IQGAP2: variants seen among roughly 807,000 people sequenced by gnomAD.
The protein encoded by IQGAP2 is IQ motif containing GTPase activating protein 2.
In IQGAP2, 173 loss-of-function variants were observed where a neutral mutation model predicts 201.3. The observed-to-expected ratio is 0.86, with a 90% CI of 0.76 to 0.98. The LOEUF (loss-of-function observed/expected upper bound fraction) is 0.98, where lower values mean the gene tolerates loss of function less well. Among genes scored for constraint, IQGAP2 ranks in the 50% least tolerant of loss-of-function variants. The pLI is 0.00. For synonymous variants in IQGAP2, 675 were observed against 673.9 expected (o/e 1.00, Z -0.03); for missense variants, 1,687 against 1,864.8 (o/e 0.90, Z 1.76).
At chr5:76,435,190 C>A (rs1752588599) in intron 1 of IQGAP2, among the ~76,000 whole-genome samples, 1 of 151,938 alleles carries the variant, frequency 6.6e-6, no homozygotes, top group Admixed American at 6.6e-5. Flanking sequence ...TTTTGCTGTG[C>A]AGAAGCTTTT....
chr5:76,421,200 A>G lies in IQGAP2; in HGVS notation c.46+17609A>G, dbSNP rs556218873. Reference sequence around the variant, plus strand: ...CACTTCAAAGAATGAAGTATCCATGACTTGAAGGAAGAAGCCAATTAGAAT... The same window carrying G: ...CACTTCAAAGAATGAAGTATCCATGGCTTGAAGGAAGAAGCCAATTAGAAT... On this transcript the variant is annotated intron_variant, in intron 1 of 35. Coordinates refer to ENST00000274364, the MANE Select transcript of IQGAP2 (RefSeq NM_006633.5). Among the ~76,000 whole-genome samples the G allele has an allele frequency of 3.3e-5, 5 of 152,314 alleles. No homozygotes were observed. The East Asian group carries it at 9.6e-4, about 29-fold the overall frequency.
At chr5:76,488,905 C>T (rs772607362) in intron 2 of IQGAP2, among the ~76,000 whole-genome samples, 1 of 152,166 alleles carries the variant, frequency 6.6e-6, no homozygotes, top group Non-Finnish European at 1.5e-5. Context: ...AAGCACCCGG[C>T]TGAGTTGTCC....
intron 2 of IQGAP2, among the ~76,000 whole-genome samples, chr5:76,546,446 AC>A (rs1743100436): frequency 1.3e-5 from 2 of 151,904 alleles, no homozygotes; most frequent in Admixed American, 1.3e-4. Context: ...AAAAAACAAA[AC>A]AATACACCAC....
chr5:76,455,062 G>A (rs576833040), intron 1 of IQGAP2, among the ~76,000 whole-genome samples: 2 of 152,168 alleles, frequency 1.3e-5, no homozygotes, highest in Non-Finnish European at 2.9e-5. Context: ...TTTACACAGC[G>A]GACCAAATGA....
At position 76,432,128 on chromosome 5, in the gene IQGAP2, C is replaced by CTTTTTTTTTTTTTTTT. The variant is rs70982606; in HGVS notation, c.46+28552_46+28553insTTTTTTTTTTTTTTTT. On this transcript the variant is annotated intron_variant, in intron 1 of 35. Coordinates refer to ENST00000274364, the MANE Select transcript of IQGAP2 (RefSeq NM_006633.5). ...TGGAATTGACTGATCTTTCTTTCTT[C>CTTTTTTTTTTTTTTTT]TTTTTTTTTTTTTTTGAGATGGAGT... Among the ~76,000 whole-genome samples, 93 of 95,310 alleles carry CTTTTTTTTTTTTTTTT rather than the reference C, an allele frequency of 9.8e-4. 4 individuals carry two copies. Among genetic ancestry groups the CTTTTTTTTTTTTTTTT allele is most frequent in the Middle Eastern group, 0.011 (1 of 92 alleles). The allele number at this position is 95,310 out of a possible 152,430, so 62.5% of individuals were successfully genotyped here. A position where few individuals can be genotyped will look rare whatever the true frequency, so the allele number is the denominator to read the frequency against.
chr5:76,618,115 G>C (rs1749183073), intron 13 of IQGAP2: 1 of 1,614,042 alleles, frequency 6.2e-7, no homozygotes. Context: ...TAGGTGAAAG[G>C]ATGGACGATG....
chr5:76,634,279 C>A (rs1026548634), intron 15 of IQGAP2, among the ~76,000 whole-genome samples: 1 of 148,186 alleles, frequency 6.7e-6, no homozygotes, highest in African/African-American at 2.5e-5. Flanking sequence ...TTTTTCTTTT[C>A]GAGATGAAGT....
At chr5:76,588,112 A>G (rs184954280) in intron 5 of IQGAP2, among the ~76,000 whole-genome samples, 2 of 152,344 alleles carry the variant, frequency 1.3e-5, no homozygotes, top group East Asian at 1.9e-4. Context: ...TCTATAAACT[A>G]TGGAGCTTCA....
chr5:76,659,765 A>T (rs1743091969), intron 21 of IQGAP2, among the ~76,000 whole-genome samples: 2 of 152,118 alleles, frequency 1.3e-5, no homozygotes, highest in Non-Finnish European at 2.9e-5. Context: ...CTCACTAGAA[A>T]CCAAGAGTGC....
At chr5:76,531,550 A>T (rs1759296956) in intron 2 of IQGAP2, among the ~76,000 whole-genome samples, 2 of 152,214 alleles carry the variant, frequency 1.3e-5, no homozygotes, top group South Asian at 4.1e-4. Context: ...AATACCTCCC[A>T]TTAGGCTGCA....
At chr5:76,646,128 G>A (rs1015080411) in intron 17 of IQGAP2, among the ~76,000 whole-genome samples, 1 of 152,042 alleles carries the variant, frequency 6.6e-6, no homozygotes, top group African/African-American at 2.4e-5. Context: ...CAAAATATAG[G>A]AACTGTTAAG....
At chr5:76,465,725 G>A (rs577484204) in intron 2 of IQGAP2, among the ~76,000 whole-genome samples, 3 of 152,222 alleles carry the variant, frequency 2.0e-5, no homozygotes, top group African/African-American at 7.2e-5. Flanking sequence ...TGTAAAAATG[G>A]CATTTCTTGA....
At chr5:76,601,016 G>T (rs1177514173) in intron 11 of IQGAP2, 44 bp downstream of exon 11, 5 of 1,582,668 alleles carry the variant, frequency 3.2e-6, no homozygotes, top group Non-Finnish European at 4.3e-6. Context: ...AGAAATGCAT[G>T]TTTGGCAGAT....
intron 2 of IQGAP2, among the ~76,000 whole-genome samples, chr5:76,536,507 C>T (rs1014937517): frequency 2.0e-5 from 3 of 151,828 alleles, no homozygotes; most frequent in African/African-American, 7.3e-5. Flanking sequence ...CGCCTGTAAT[C>T]CCAGCACTTT....
chr5:76,611,373 G>C (rs919007085), intron 13 of IQGAP2, among the ~76,000 whole-genome samples, 190 bp downstream of exon 13: 1 of 152,142 alleles, frequency 6.6e-6, no homozygotes, highest in Non-Finnish European at 1.5e-5. Flanking sequence ...ACCAGCTCCA[G>C]AGCTATTTAT....
chr5:76,564,397 A>G (rs111866794), intron 3 of IQGAP2, among the ~76,000 whole-genome samples: 1,935 of 152,358 alleles, frequency 0.013, 37 homozygotes, highest in African/African-American at 0.044. Flanking sequence ...CTCCAGCTCC[A>G]CTGAAAGGGA....
intron 2 of IQGAP2, among the ~76,000 whole-genome samples, chr5:76,501,570 C>G (rs1757274981): frequency 6.6e-6 from 1 of 151,620 alleles, no homozygotes; most frequent in Non-Finnish European, 1.5e-5. Context: ...CCTCCCACCC[C>G]ATACCACTAT....
At chr5:76,659,115 G>A (rs1245626493) in intron 21 of IQGAP2, among the ~76,000 whole-genome samples, 1 of 152,122 alleles carries the variant, frequency 6.6e-6, no homozygotes, top group Non-Finnish European at 1.5e-5. Context: ...TGGAATCTAA[G>A]ATAAGTTTTT....
chr5:76,639,735 A>G (rs1751418363), intron 16 of IQGAP2, among the ~76,000 whole-genome samples: 1 of 152,210 alleles, frequency 6.6e-6, no homozygotes, highest in African/African-American at 2.4e-5. Flanking sequence ...GGAAAAAAAC[A>G]TGATCTGAGT....
Sources: gnomAD v4.1 joint callset for allele counts (sites outside exome capture counted in the v4.1 genomes callset) on GRCh38, gnomAD v4.1.1 for gene constraint, MANE v1.5 for transcripts, NCBI Gene and HGNC (gene_info 2026-07-23, HGNC 2026-07-21) for gene names.